Variants in CD200R1 observed in about 807,000 individuals in gnomAD.
CD200R1 encodes CD200 receptor 1.
A neutral mutation model predicts 38.1 loss-of-function variants in CD200R1; 30 were observed. That is an observed-to-expected ratio of 0.79 (90% CI 0.59 to 1.07). The LOEUF (loss-of-function observed/expected upper bound fraction) is 1.07, where lower values mean the gene tolerates loss of function less well. Among genes scored for constraint, CD200R1 ranks in the 50% least tolerant of loss-of-function variants. The probability of loss-of-function intolerance (pLI) is 0.00; values close to 1 mark genes in which losing one functional copy is unlikely to be tolerated. For missense variants in CD200R1, 372 were observed against 415.4 expected (o/e 0.90, Z 0.91); for synonymous variants, 128 against 152.1 (o/e 0.84, Z 1.16).
chr3:112,953,214 A>T (rs1941010086), intron 1 of CD200R1, among the ~76,000 whole-genome samples: 1 of 152,184 alleles, frequency 6.6e-6, no homozygotes, highest in Non-Finnish European at 1.5e-5. Flanking sequence ...GGAAATGATC[A>T]TCTGGTTTCT....
intron 1 of CD200R1, among the ~76,000 whole-genome samples, chr3:112,964,319 CTG>C (rs1240794324): frequency 6.6e-6 from 1 of 152,206 alleles, no homozygotes; most frequent in Non-Finnish European, 1.5e-5. Flanking sequence ...AACTTGCACT[CTG>C]CCCCTGTAAA....
intron 1 of CD200R1, among the ~76,000 whole-genome samples, chr3:112,964,354 C>T (rs1474298501): frequency 1.3e-5 from 2 of 152,184 alleles, no homozygotes; most frequent in South Asian, 4.1e-4. Flanking sequence ...TCAATGCCAG[C>T]TCATGAAAGC....
chr3:112,926,814 A>T (rs774069801), intron 5 of CD200R1, among the ~76,000 whole-genome samples: 4 of 135,320 alleles, frequency 3.0e-5, no homozygotes, highest in Non-Finnish European at 6.6e-5. Context: ...AGAGAAGAGG[A>T]TGAAGACAAG....
At position 112,922,121 on chromosome 3, in the gene CD200R1, G is replaced by A. The variant is rs1226709883; in HGVS notation, c.*1556C>T. Reference sequence around the variant, plus strand: ...TTAGATTAGCTTTACATCCAAAATAGACTAAAAGTCCCTTTGAGGACAAAA... The same window carrying A: ...TTAGATTAGCTTTACATCCAAAATAAACTAAAAGTCCCTTTGAGGACAAAA... On this transcript the variant is annotated 3_prime_UTR_variant, in exon 8 of 8. Transcript: ENST00000308611. 6.6e-6 allele frequency: 1 copy of A among 151,902 alleles called. No individual in the cohort carries two copies. The highest frequency in any genetic ancestry group is 1.9e-4 in the East Asian group (1 of 5,168). The allele number at this position is 151,902 out of a possible 1,614,324, so 9.4% of individuals were successfully genotyped here.
chr3:112,964,871 T>A (rs148357353), intron 1 of CD200R1, among the ~76,000 whole-genome samples: 127 of 152,296 alleles, frequency 8.3e-4, no homozygotes, highest in African/African-American at 3.0e-3. Context: ...GGGAGGTATT[T>A]GAACCATGGG....
chr3:112,954,488 G>T (rs1941041496), intron 1 of CD200R1, among the ~76,000 whole-genome samples: 1 of 152,150 alleles, frequency 6.6e-6, no homozygotes, highest in African/African-American at 2.4e-5. Flanking sequence ...ACTTCAGGAT[G>T]GTGGCTGGTC....
intron 1 of CD200R1, among the ~76,000 whole-genome samples, chr3:112,952,995 T>C (rs1474463115): frequency 6.6e-6 from 1 of 152,188 alleles, no homozygotes; most frequent in East Asian, 1.9e-4. Flanking sequence ...CAGTACCATG[T>C]TGAATACAAG....
In CD200R1 at chr3:112,922,516, A is replaced by G. The variant is rs1940194233; in HGVS notation, c.*1161T>C. On this transcript the variant is annotated 3_prime_UTR_variant, in exon 8 of 8. Transcript: ENST00000308611. Reference sequence around the variant, plus strand: ...CTTATATGGTCAATAGACATTAATTATTCAATAAATATATCACAATAGAAT... The same window carrying G: ...CTTATATGGTCAATAGACATTAATTGTTCAATAAATATATCACAATAGAAT... 6.6e-6 allele frequency: 1 copy of G among 151,764 alleles called. No individual in the cohort carries two copies. 9.4% of individuals were successfully genotyped at this position (151,764 alleles called of 1,614,324 possible). A position where few individuals can be genotyped will look rare whatever the true frequency, so the allele number is the denominator to read the frequency against.
chr3:112,926,745 A>G (rs1206888848), intron 5 of CD200R1, among the ~76,000 whole-genome samples: 1 of 152,102 alleles, frequency 6.6e-6, no homozygotes, highest in Non-Finnish European at 1.5e-5. Flanking sequence ...TCCCTCATTA[A>G]AACTTACTAA....
In CD200R1 at chr3:112,921,590, C is replaced by T. The variant is rs1417542023; in HGVS notation, c.*2087G>A. On this transcript the variant is annotated 3_prime_UTR_variant, in exon 8 of 8. Coordinates refer to ENST00000308611, the MANE Select transcript of CD200R1 (RefSeq NM_138806.4). ...GTAATCGACTATGTAAGTAATCACACCTAACTCCGTCTCAGCCTCTGCTTC... is the reference window on the plus strand; with the variant it reads ...GTAATCGACTATGTAAGTAATCACATCTAACTCCGTCTCAGCCTCTGCTTC... 1.3e-5 allele frequency: 2 copies of T among 151,964 alleles called. No individual in the cohort carries two copies. The highest frequency in any genetic ancestry group is 4.8e-5 in the African/African-American group (2 of 41,406). The allele number at this position is 151,964 out of a possible 1,614,324, so 9.4% of individuals were successfully genotyped here.
chr3:112,926,749 T>G (rs1940289354), intron 5 of CD200R1, among the ~76,000 whole-genome samples: 1 of 152,000 alleles, frequency 6.6e-6, no homozygotes. Flanking sequence ...TCATTAAAAC[T>G]TACTAAAATG....
At chr3:112,930,902 G>A (rs570057120) in intron 3 of CD200R1, among the ~76,000 whole-genome samples, 14 of 152,324 alleles carry the variant, frequency 9.2e-5, no homozygotes, top group African/African-American at 2.4e-4. Context: ...CCTTAGCAAA[G>A]GTTCAGAGAC....
intron 1 of CD200R1, among the ~76,000 whole-genome samples, chr3:112,974,129 T>TA (rs527684625): frequency 1.5e-3 from 229 of 148,488 alleles, no homozygotes; most frequent in South Asian, 0.01. Context: ...GTTCTTATCT[T>TA]AAAAAAAAAA....
At chr3:112,926,243 T>C (rs1420370210) in intron 5 of CD200R1, among the ~76,000 whole-genome samples, 1 of 152,190 alleles carries the variant, frequency 6.6e-6, no homozygotes, top group Non-Finnish European at 1.5e-5. Flanking sequence ...ATTTGCAAAC[T>C]ATGCTCCTGG....
Position 112,944,784 on chromosome 3 carries a change from T to A in CD200R1, c.136+3072A>T, listed in dbSNP as rs985901809. ...AAAACTCCTAGAACTAATAAGAAAT[T>A]GCAGCAAGGTTGCAAAATACAAGGT... On this transcript the variant is annotated intron_variant, in intron 2 of 7. Coordinates refer to ENST00000308611, the MANE Select transcript of CD200R1 (RefSeq NM_138806.4). 6.6e-5 allele frequency among the ~76,000 whole-genome samples: 10 copies of A among 152,178 alleles called. No homozygotes were observed. The East Asian group carries it at 1.9e-3, about 29-fold the overall frequency.
intron 1 of CD200R1, among the ~76,000 whole-genome samples, chr3:112,958,213 G>C (rs992675283): frequency 6.6e-6 from 1 of 152,018 alleles, no homozygotes; most frequent in South Asian, 2.1e-4. Flanking sequence ...TTGCAAATAT[G>C]TATTCAAAAT....
intron 2 of CD200R1, among the ~76,000 whole-genome samples, chr3:112,935,769 C>T (rs1378815937): frequency 7.9e-5 from 12 of 152,014 alleles, no homozygotes; most frequent in Non-Finnish European, 2.9e-5. Flanking sequence ...TGCAAAAAAC[C>T]AACAACAAAA....
intron 1 of CD200R1, among the ~76,000 whole-genome samples, chr3:112,959,417 G>A (rs1932960964): frequency 6.6e-6 from 1 of 152,056 alleles, no homozygotes; most frequent in African/African-American, 2.4e-5. Flanking sequence ...CATATTAGCT[G>A]CAAAAGAGAA....
intron 1 of CD200R1, among the ~76,000 whole-genome samples, chr3:112,965,820 G>A (rs936964917): frequency 6.6e-6 from 1 of 152,108 alleles, no homozygotes; most frequent in Admixed American, 6.6e-5. Flanking sequence ...TAGACAGAAA[G>A]AGGGAGAGCC....
Sources: gnomAD v4.1 joint callset for allele counts (sites outside exome capture counted in the v4.1 genomes callset) on GRCh38, gnomAD v4.1.1 for gene constraint, MANE v1.5 for transcripts, NCBI Gene and HGNC (gene_info 2026-07-23, HGNC 2026-07-21) for gene names.